The following DLG1 variants were observed in gnomAD, a reference collection of about 807,000 sequenced individuals.
DLG1 encodes the protein disks large homolog 1.
DLG1 carries 42 observed loss-of-function variants against 123.4 expected under a neutral mutation model. That is an observed-to-expected ratio of 0.34 (90% confidence interval 0.27 to 0.44). The LOEUF is 0.44. DLG1 is among the 20% of genes least tolerant of loss of function. The pLI is 1.00. For synonymous variants in DLG1, 317 were observed against 356.2 expected, an observed-to-expected ratio of 0.89 and a Z score of 1.24; for missense variants, 942 against 1,082.6, an observed-to-expected ratio of 0.87 and a Z score of 1.82.
chr3:197,182,611 AT>A (rs1359513591), intron 5 of DLG1, among the ~76,000 whole-genome samples: 1 of 152,170 alleles, frequency 6.6e-6, no homozygotes, highest in Non-Finnish European at 1.5e-5. Flanking sequence ...CTTTAAGGGA[AT>A]TTATTTTAAA....
Position 197,298,587 on chromosome 3 carries a change from A to C in DLG1, c.-83T>G, listed in dbSNP as rs1778587413. The stretch of plus-strand genomic sequence containing the variant: ...AGTGCCGTTTCCAACTCCGCGGCAG[A>C]GACAGCGCCTGGCGACCCCGGGGGT... On this transcript the variant is annotated 5_prime_UTR_variant, in exon 1 of 25. Transcript: ENST00000667157. 1 of 396,392 alleles carries C rather than the reference A, an allele frequency of 2.5e-6. No individual in the cohort carries two copies. Among genetic ancestry groups the C allele is most frequent in the African/African-American group, 2.1e-5 (1 of 48,280 alleles). The allele number at this position is 396,392 out of a possible 1,614,324, so 24.6% of individuals were successfully genotyped here. A position where few individuals can be genotyped will look rare whatever the true frequency, so the allele number is the denominator to read the frequency against.
chr3:197,182,144 A>AT (rs200400367), intron 5 of DLG1, among the ~76,000 whole-genome samples: 19,676 of 150,622 alleles, frequency 0.13, 1,702 homozygotes, highest in South Asian at 0.34. Context: ...TATATATATA[A>AT]AAAGTTCTAA....
intron 5 of DLG1, among the ~76,000 whole-genome samples, chr3:197,191,273 C>T (rs1245277066): frequency 6.6e-6 from 1 of 152,088 alleles, no homozygotes. Flanking sequence ...GGGATAACAC[C>T]TTAGGTTTAA....
chr3:197,056,605 G>A (rs1054390799), intron 23 of DLG1, among the ~76,000 whole-genome samples: 2 of 152,104 alleles, frequency 1.3e-5, no homozygotes, highest in Non-Finnish European at 2.9e-5. Flanking sequence ...TCTTTAATAA[G>A]TACTAGATTA....
intron 14 of DLG1, among the ~76,000 whole-genome samples, chr3:197,092,062 A>T (rs1259569648): frequency 6.6e-6 from 1 of 152,210 alleles, no homozygotes; most frequent in African/African-American, 2.4e-5. Flanking sequence ...TTACAACAAA[A>T]CACTTAAAAT....
At chr3:197,068,200 T>C (rs1479816832) in intron 19 of DLG1, among the ~76,000 whole-genome samples, 1 of 152,204 alleles carries the variant, frequency 6.6e-6, no homozygotes, top group Non-Finnish European at 1.5e-5. Context: ...ATGTGAAACA[T>C]GGCTTACATA....
At chr3:197,233,176 C>T (rs1744145377) in intron 4 of DLG1, among the ~76,000 whole-genome samples, 1 of 151,944 alleles carries the variant, frequency 6.6e-6, no homozygotes, top group African/African-American at 2.4e-5. Flanking sequence ...GAAAATAATT[C>T]CATGCACAAA....
chr3:197,145,736 T>G (rs935633319), intron 6 of DLG1, among the ~76,000 whole-genome samples: 3 of 152,100 alleles, frequency 2.0e-5, no homozygotes, highest in Non-Finnish European at 4.4e-5. Flanking sequence ...TAATGCCAAT[T>G]CATGATGTAG....
intron 9 of DLG1, among the ~76,000 whole-genome samples, chr3:197,137,066 A>G (rs1478110092): frequency 1.3e-5 from 2 of 152,254 alleles, no homozygotes; most frequent in Non-Finnish European, 2.9e-5. Context: ...TGGTGGGCAG[A>G]ACCAACAGGC....
intron 5 of DLG1, among the ~76,000 whole-genome samples, chr3:197,193,551 T>A (rs1363648084): frequency 6.6e-6 from 1 of 152,122 alleles, no homozygotes; most frequent in African/African-American, 2.4e-5. Flanking sequence ...TAAAATAAAT[T>A]GTAGTATATT....
rs574456987 is a variant in DLG1 at position 197,270,436 on chromosome 3, C to T, written c.318+12243G>A. On this transcript the variant is annotated intron_variant, in intron 4 of 24. Transcript: ENST00000667157. ...CACACAAGCTACTCAAATAACTGAT[C>T]ATTAAAAGAAAGTAATGTAAACTTT... is the stretch of plus-strand genomic sequence containing the variant. Among the ~76,000 whole-genome samples, 4 of 152,142 alleles carry T rather than the reference C, an allele frequency of 2.6e-5. No homozygotes were observed. The East Asian group carries it at 7.7e-4, about 29-fold the overall frequency.
At chr3:197,089,713 G>A (rs968200465) in intron 15 of DLG1, among the ~76,000 whole-genome samples, 1 of 147,312 alleles carries the variant, frequency 6.8e-6, no homozygotes, top group Non-Finnish European at 1.5e-5. Context: ...AGGAAATGTA[G>A]ATAAGCAAAA....
chr3:197,220,184 A>G (rs1736230153), intron 4 of DLG1, among the ~76,000 whole-genome samples: 1 of 152,214 alleles, frequency 6.6e-6, no homozygotes, highest in Non-Finnish European at 1.5e-5. Flanking sequence ...GAGAGAATGA[A>G]TCAATGAATA....
chr3:197,181,714 A>C (rs186248516), intron 5 of DLG1, among the ~76,000 whole-genome samples: 1 of 152,342 alleles, frequency 6.6e-6, no homozygotes, highest in East Asian at 1.9e-4. Flanking sequence ...AGTGCAAGAA[A>C]AACAGAAGCT....
intron 11 of DLG1, among the ~76,000 whole-genome samples, chr3:197,128,248 C>T (rs192645641): frequency 2.7e-4 from 41 of 152,270 alleles, no homozygotes; most frequent in Non-Finnish European, 4.6e-4. Context: ...TCCTTTGTTG[C>T]CGTTTCGATA....
intron 18 of DLG1, chr3:197,070,568 T>A (rs1473319586): frequency 1.5e-5 from 1 of 67,014 alleles, no homozygotes; most frequent in Non-Finnish European, 3.1e-5. Context: ...AAATTTCATT[T>A]TTTTTTTTTT....
At chr3:197,273,079 C>T (rs1764601236) in intron 4 of DLG1, among the ~76,000 whole-genome samples, 1 of 151,878 alleles carries the variant, frequency 6.6e-6, no homozygotes, top group South Asian at 2.1e-4. Context: ...ATTAATCAAC[C>T]TATTCCTTTA....
chr3:197,082,440 A>G (rs939465683), intron 16 of DLG1, among the ~76,000 whole-genome samples: 2 of 152,144 alleles, frequency 1.3e-5, no homozygotes, highest in African/African-American at 2.4e-5. Flanking sequence ...AGGCTCCATG[A>G]CCTGAATAAT....
At chr3:197,228,086 T>C (rs1374035869) in intron 4 of DLG1, among the ~76,000 whole-genome samples, 1 of 152,248 alleles carries the variant, frequency 6.6e-6, no homozygotes, top group Non-Finnish European at 1.5e-5. Flanking sequence ...TTTACAAATT[T>C]TAATTTTAAA....
Sources: gnomAD v4.1 joint callset for allele counts (sites outside exome capture counted in the v4.1 genomes callset) on GRCh38, gnomAD v4.1.1 for gene constraint, MANE v1.5 for transcripts, NCBI Gene and HGNC (gene_info 2026-07-23, HGNC 2026-07-21) for gene names.